Variants in POLDIP2 observed in about 807,000 individuals in gnomAD.
The protein encoded by POLDIP2 is DNA polymerase delta interacting protein 2, also known as polymerase delta-interacting protein 2.
In POLDIP2, 32 loss-of-function variants were observed where a neutral mutation model predicts 52.9. The ratio of observed to expected loss-of-function variants is 0.61; its 90% confidence interval spans 0.46 to 0.81. POLDIP2 has a LOEUF of 0.81. POLDIP2 is among the 40% of genes least tolerant of loss of function. The pLI, the probability that POLDIP2 is intolerant of heterozygous loss-of-function variation, is 0.00. For synonymous variants in POLDIP2, 183 were observed against 183.0 expected, an observed-to-expected ratio of 1.00 and a Z score of 0.00; for missense variants, 371 against 477.3, an observed-to-expected ratio of 0.78 and a Z score of 2.07.
At position 28,347,971 on chromosome 17, in the gene POLDIP2, C is replaced by A. The variant is rs1555579261; in HGVS notation, c.*146G>T. On this transcript the variant is annotated 3_prime_UTR_variant, in exon 11 of 11. Coordinates refer to ENST00000540200, the MANE Select transcript of POLDIP2 (RefSeq NM_015584.5). ...ATGGGTCTTCTGAAGAAAAGTTATA[C>A]CACCCCTCCCCACAAAAAGAACCCC... 1.3e-5 allele frequency: 8 copies of A among 614,730 alleles called. No individual in the cohort carries two copies. The highest frequency in any genetic ancestry group is 1.3e-4 in the African/African-American group (7 of 53,930). The allele number at this position is 614,730 out of a possible 1,614,324, so 38.1% of individuals were successfully genotyped here. A position where few individuals can be genotyped will look rare whatever the true frequency, so the allele number is the denominator to read the frequency against.
At chr17:28,353,594 G>T in intron 4 of POLDIP2, 101 bp downstream of exon 4, 2 of 797,032 alleles carry the variant, frequency 2.5e-6, no homozygotes, top group South Asian at 2.8e-5. Context: ...GACCAAGACT[G>T]ACCTGGGCTC....
chr17:28,349,315 T>G lies in POLDIP2; in HGVS notation c.913-153A>C, dbSNP rs1353118962. Reference sequence around the variant, plus strand: ...CACTCCCATAGCATGATACACTTCCTGCCAGTACCTCCTCCCATAGATGGC... The same window carrying G: ...CACTCCCATAGCATGATACACTTCCGGCCAGTACCTCCTCCCATAGATGGC... On this transcript the variant is annotated intron_variant, in intron 9 of 10. Transcript: ENST00000540200. Among the ~76,000 whole-genome samples, 10 of 143,360 alleles carry G rather than the reference T, an allele frequency of 7.0e-5. No individual in the cohort carries two copies. In the Admixed American group the frequency reaches 7.2e-4, roughly 10 times the overall value. The allele number at this position is 143,360 out of a possible 152,430, so 94.0% of individuals were successfully genotyped here. A position where few individuals can be genotyped will look rare whatever the true frequency, so the allele number is the denominator to read the frequency against.
At chr17:28,356,443 G>A (rs1375368610) in intron 1 of POLDIP2, among the ~76,000 whole-genome samples, 1 of 152,040 alleles carries the variant, frequency 6.6e-6, no homozygotes, top group Non-Finnish European at 1.5e-5. Flanking sequence ...TATTTGTCCT[G>A]TATTATAATT....
In POLDIP2 at chr17:28,346,634, G is replaced by GATCCTAAGATCATGTC. The variant is rs1907577976; in HGVS notation, c.*1482_*1483insGACATGATCTTAGGAT. The GATCCTAAGATCATGTC allele has an allele frequency of 1.3e-5, 2 of 152,232 alleles. No homozygotes were observed. The highest frequency in any genetic ancestry group is 2.9e-5 in the Non-Finnish European group (2 of 68,046). 9.4% of individuals were successfully genotyped at this position (152,232 alleles called of 1,614,324 possible). On this transcript the variant is annotated 3_prime_UTR_variant, in exon 11 of 11. Coordinates refer to ENST00000540200, the MANE Select transcript of POLDIP2 (RefSeq NM_015584.5). The stretch of plus-strand genomic sequence containing the variant: ...ATACTAACATTGAACTCACTGACAT[G>GATCCTAAGATCATGTC]ATCTTAGCTTCTTTAATCAGACTTT...
Position 28,355,802 on chromosome 17 carries a change from G to A in POLDIP2, c.236C>T (p.Thr79Ile), listed in dbSNP as rs1448875847. The A allele has an allele frequency of 1.9e-6, 3 of 1,611,148 alleles. No individual in the cohort carries two copies. The highest frequency in any genetic ancestry group is 2.5e-6 in the Non-Finnish European group (3 of 1,178,434). Residue 79 changes from threonine to isoleucine, a missense_variant, in exon 2 of 11, where the codon ACC becomes ATC. Coordinates refer to ENST00000540200, the MANE Select transcript of POLDIP2 (RefSeq NM_015584.5). ...ACCCAGCCCAATACTCACCTGCCCG[G>A]TCTCATATTTTCCATTCTGTTTTGG... ...EVPKQNGKYE[T>I]GQLFLHSIFG...
At chr17:28,348,378 C>T (rs1196507328) in intron 10 of POLDIP2, 147 bp from the exon 11 acceptor site, 1 of 604,392 alleles carries the variant, frequency 1.7e-6, no homozygotes, top group Non-Finnish European at 3.0e-6. Context: ...GATGACTGGT[C>T]CAGAGACCCA....
chr17:28,354,526 T>A lies in POLDIP2; in HGVS notation c.303A>T (p.Arg101Ser), dbSNP rs147793463. 1.1e-4 allele frequency: 174 copies of A among 1,561,704 alleles called. 1 individual carries two copies. Among genetic ancestry groups the A allele is most frequent in the Non-Finnish European group, 5.6e-5 (65 of 1,152,850 alleles). The part of the protein sequence containing the change: ...RGVVLFPWQA[R>S]LYDRDVASAA... ...CAGAAGCCACATCCCGGTCATACAG[T>A]CTGGCCTGCCAGGGAAACAGGACGA... is the stretch of plus-strand genomic sequence containing the variant. The change falls in exon 3 of 11, where the codon AGA (arginine) becomes AGT (serine). Residue 101 changes from arginine to serine, a missense_variant. Arg to Ser is a moderately radical substitution (Grantham distance 110). Transcript: ENST00000540200.
chr17:28,355,543 C>T (rs1001184079), intron 2 of POLDIP2, among the ~76,000 whole-genome samples: 13 of 152,064 alleles, frequency 8.5e-5, no homozygotes, highest in Non-Finnish European at 1.6e-4. Flanking sequence ...GGAGGTGGAG[C>T]TTGCAGTGAG....
chr17:28,356,391 A>G (rs1908031009), intron 1 of POLDIP2, among the ~76,000 whole-genome samples: 1 of 152,130 alleles, frequency 6.6e-6, no homozygotes, highest in African/African-American at 2.4e-5. Context: ...ATTAGCTGGT[A>G]CTGCCCCCTC....
chr17:28,347,848 A>G lies in POLDIP2; in HGVS notation c.*269T>C. 1 of 425,802 alleles carries G rather than the reference A, an allele frequency of 2.3e-6. No individual in the cohort carries two copies. Among genetic ancestry groups the G allele is most frequent in the Non-Finnish European group, 4.2e-6 (1 of 235,614 alleles). 26.4% of individuals were successfully genotyped at this position (425,802 alleles called of 1,614,324 possible). A position where few individuals can be genotyped will look rare whatever the true frequency, so the allele number is the denominator to read the frequency against. On this transcript the variant is annotated 3_prime_UTR_variant, in exon 11 of 11. Coordinates refer to ENST00000540200, the MANE Select transcript of POLDIP2 (RefSeq NM_015584.5). ...ACGTGACAGGCCAGGAAACTCCTCC[A>G]GGCCTGTGGCAGCTGAACACAGTTC...
chr17:28,350,351 T>A (rs1203536321), intron 9 of POLDIP2, 87 bp downstream of exon 9: 5 of 1,208,020 alleles, frequency 4.1e-6, no homozygotes, highest in Non-Finnish European at 5.7e-6. Context: ...TGAGCCTCTG[T>A]CTATAACAAC....
At chr17:28,348,267 G>T in intron 10 of POLDIP2, 36 bp from the exon 11 acceptor site, 2 of 1,423,570 alleles carry the variant, frequency 1.4e-6, no homozygotes, top group South Asian at 1.1e-5. Flanking sequence ...GAAGGAGCCA[G>T]GGCTGAGGCC....
chr17:28,351,629 A>C, intron 7 of POLDIP2, 35 bp downstream of exon 7: 15 of 1,608,040 alleles, frequency 9.3e-6, no homozygotes, highest in Non-Finnish European at 1.3e-5. Context: ...CTTGGGGCCT[A>C]CCCCTGCTAG....
rs782207476 is a variant in POLDIP2, at chr17:28,357,497, G to A, written c.-49C>T. The A allele has an allele frequency of 2.2e-5, 31 of 1,433,058 alleles. No individual in the cohort carries two copies. The highest frequency in any genetic ancestry group is 2.6e-5 in the East Asian group (1 of 38,032). The allele number at this position is 1,433,058 out of a possible 1,614,324, so 88.8% of individuals were successfully genotyped here. On this transcript the variant is annotated 5_prime_UTR_variant, in exon 1 of 11. Transcript: ENST00000540200. ...CTGCTGACACAGAGCCCGACCCGCG[G>A]CCGGGCGGCGTTCCGCCCCAGTCCC...
At chr17:28,356,476 C>T (rs1567794363) in intron 1 of POLDIP2, among the ~76,000 whole-genome samples, 1 of 152,160 alleles carries the variant, frequency 6.6e-6, no homozygotes, top group Admixed American at 6.5e-5. Context: ...CCCCCTCTAA[C>T]CTGTAGCCCT....
chr17:28,354,831 T>G (rs901085988), intron 2 of POLDIP2, among the ~76,000 whole-genome samples: 1 of 152,220 alleles, frequency 6.6e-6, no homozygotes, highest in African/African-American at 2.4e-5. Context: ...TCCCTTCCAC[T>G]TAGCACAATG....
Position 28,348,234 on chromosome 17 carries a change from A to G in POLDIP2, c.993-3T>C, listed in dbSNP as rs1907662273. ...GTCTTTCAAAGCGGAACGTGCCCCT[A>G]CAGTCAGAAAGAAGCTGGTTTAGAA... On this transcript the variant is annotated splice_region_variant and splice_polypyrimidine_tract_variant and intron_variant, in intron 10 of 10. Transcript: ENST00000540200. The G allele has an allele frequency of 9.3e-6, 15 of 1,606,084 alleles. No individual in the cohort carries two copies. The highest frequency in any genetic ancestry group is 1.3e-5 in the Non-Finnish European group (15 of 1,172,846).
chr17:28,348,706 A>T (rs1907681964), intron 10 of POLDIP2, among the ~76,000 whole-genome samples: 2 of 152,324 alleles, frequency 1.3e-5, no homozygotes, highest in South Asian at 2.1e-4. Flanking sequence ...GTGAAACTCC[A>T]TCTCACAAAA....
chr17:28,352,223 C>T (rs1555580117), intron 6 of POLDIP2, among the ~76,000 whole-genome samples: 5 of 91,884 alleles, frequency 5.4e-5, no homozygotes, highest in South Asian at 3.8e-4. Flanking sequence ...GGAAATAGAG[C>T]GTTGGAATTA....
Sources: allele counts gnomAD v4.1 joint callset (sites outside exome capture counted in the v4.1 genomes callset), GRCh38; gene constraint gnomAD v4.1.1; transcripts MANE v1.5; gene names NCBI Gene and HGNC (gene_info 2026-07-23, HGNC 2026-07-21).